The following KCNH1 variants were observed in gnomAD, a reference collection of about 807,000 sequenced individuals.
The protein encoded by KCNH1 is potassium voltage-gated channel subfamily H member 1, also known as voltage-gated delayed rectifier potassium channel KCNH1.
In KCNH1, 27 loss-of-function variants were observed where a neutral mutation model predicts 69.2. The observed-to-expected ratio is 0.39, with a 90% CI of 0.29 to 0.54. KCNH1 has a LOEUF of 0.54. KCNH1 is among the 20% of genes least tolerant of loss of function. The probability of loss-of-function intolerance (pLI) is 0.68; values close to 1 mark genes in which losing one functional copy is unlikely to be tolerated. For missense variants in KCNH1, 798 were observed against 1,261.6 expected (o/e 0.63, Z 5.57); for synonymous variants, 456 against 487.7 (o/e 0.93, Z 0.86).
chr1:210,952,415 G>A (rs1216210816), intron 6 of KCNH1, among the ~76,000 whole-genome samples: 2 of 152,156 alleles, frequency 1.3e-5, no homozygotes, highest in African/African-American at 4.8e-5. Flanking sequence ...TCCTTACTAT[G>A]TGCAGGTGCT....
intron 7 of KCNH1, among the ~76,000 whole-genome samples, chr1:210,869,612 T>C (rs1000932631): frequency 6.6e-6 from 1 of 151,870 alleles, no homozygotes; most frequent in Non-Finnish European, 1.5e-5. Context: ...TCCTCTTTAA[T>C]GGATGTTGAA....
chr1:210,946,126 A>C (rs910959589), intron 6 of KCNH1, among the ~76,000 whole-genome samples: 3 of 152,148 alleles, frequency 2.0e-5, no homozygotes, highest in African/African-American at 7.2e-5. Context: ...ATATTATCCC[A>C]CTTGGTCTTC....
intron 1 of KCNH1, among the ~76,000 whole-genome samples, chr1:211,109,962 G>A (rs1242752212): frequency 1.8e-4 from 27 of 150,394 alleles, no homozygotes; most frequent in Admixed American, 1.8e-3. Context: ...TATTCAACAT[G>A]AATTTTAGAA....
chr1:210,877,231 G>C (rs1686395756), intron 7 of KCNH1, among the ~76,000 whole-genome samples: 1 of 152,136 alleles, frequency 6.6e-6, no homozygotes, highest in African/African-American at 2.4e-5. Context: ...ATATGAGCAA[G>C]AAGAGAGAGA....
intron 1 of KCNH1, among the ~76,000 whole-genome samples, chr1:211,127,425 CA>C (rs11340722): frequency 0.43 from 54,822 of 127,476 alleles, 11,039 homozygotes; most frequent in Middle Eastern, 0.47. Context: ...ACACACACAC[CA>C]AAAAAAAAAA....
chr1:210,966,965 G>A (rs532293929), intron 6 of KCNH1, among the ~76,000 whole-genome samples: 3 of 152,234 alleles, frequency 2.0e-5, no homozygotes, highest in East Asian at 3.9e-4. Flanking sequence ...TGGAACCAAC[G>A]AAATGCCCAT....
At chr1:210,984,010 A>G (rs554286903) in intron 6 of KCNH1, among the ~76,000 whole-genome samples, 1 of 152,198 alleles carries the variant, frequency 6.6e-6, no homozygotes, top group Admixed American at 6.5e-5. Flanking sequence ...TTGGATTCCT[A>G]GGTATTTTAT....
At chr1:210,822,080 T>C (rs1684940899) in intron 7 of KCNH1, among the ~76,000 whole-genome samples, 1 of 152,002 alleles carries the variant, frequency 6.6e-6, no homozygotes, top group South Asian at 2.1e-4. Flanking sequence ...AGATGCAATG[T>C]CCAATAGGAC....
At chr1:211,076,939 T>A (rs1259110825) in intron 5 of KCNH1, among the ~76,000 whole-genome samples, 2 of 152,134 alleles carry the variant, frequency 1.3e-5, no homozygotes, top group African/African-American at 4.8e-5. Flanking sequence ...CTGAAAACCA[T>A]GGCACAAGAA....
chr1:210,929,996 T>C (rs1242173428), intron 6 of KCNH1, among the ~76,000 whole-genome samples: 1 of 151,994 alleles, frequency 6.6e-6, no homozygotes, highest in Non-Finnish European at 1.5e-5. Flanking sequence ...TCCTCTACAA[T>C]GAAAACTACA....
chr1:210,873,200 A>G (rs1686288811), intron 7 of KCNH1, among the ~76,000 whole-genome samples: 2 of 152,154 alleles, frequency 1.3e-5, no homozygotes, highest in African/African-American at 4.8e-5. Flanking sequence ...ATGGTCTTGT[A>G]TGTAACAGAA....
chr1:210,751,672 G>A (rs1455905105), intron 10 of KCNH1, among the ~76,000 whole-genome samples: 1 of 152,138 alleles, frequency 6.6e-6, no homozygotes, highest in Admixed American at 6.5e-5. Flanking sequence ...GGCTGAAAAT[G>A]TGAGGGTGGA....
At chr1:210,783,632 GGATGT>G (rs1684035195) in intron 9 of KCNH1, among the ~76,000 whole-genome samples, 1 of 152,180 alleles carries the variant, frequency 6.6e-6, no homozygotes, top group Non-Finnish European at 1.5e-5. Flanking sequence ...GCAGGAATAA[GGATGT>G]AAGCTAACTT....
intron 6 of KCNH1, among the ~76,000 whole-genome samples, chr1:210,970,275 C>T (rs1574369485): frequency 6.7e-6 from 1 of 149,944 alleles, no homozygotes; most frequent in Non-Finnish European, 1.5e-5. Context: ...TGTCCCCCAC[C>T]CCCAACAGGC....
chr1:210,843,172 T>C (rs1685459173), intron 7 of KCNH1, among the ~76,000 whole-genome samples: 1 of 152,210 alleles, frequency 6.6e-6, no homozygotes, highest in Non-Finnish European at 1.5e-5. Context: ...GGAATGATAT[T>C]GCATTGGATC....
At chr1:210,835,728 T>C (rs1173813500) in intron 7 of KCNH1, among the ~76,000 whole-genome samples, 1 of 152,180 alleles carries the variant, frequency 6.6e-6, no homozygotes, top group African/African-American at 2.4e-5. Context: ...AATTGGTTCA[T>C]TATTCCTAAT....
At chr1:210,724,062 ATAG>A (rs1277671777) in intron 10 of KCNH1, among the ~76,000 whole-genome samples, 2 of 152,196 alleles carry the variant, frequency 1.3e-5, no homozygotes, top group African/African-American at 4.8e-5. Context: ...TGTGACAATA[ATAG>A]TAGTCATCAT....
chr1:211,014,141 T>C (rs1399315685), intron 6 of KCNH1, among the ~76,000 whole-genome samples: 1 of 152,172 alleles, frequency 6.6e-6, no homozygotes, highest in Non-Finnish European at 1.5e-5. Flanking sequence ...ACCTGGGAGA[T>C]AACAGCTCCC....
chr1:211,109,827 A>C (rs1691425104), intron 1 of KCNH1, among the ~76,000 whole-genome samples: 1 of 152,122 alleles, frequency 6.6e-6, no homozygotes, highest in Admixed American at 6.5e-5. Flanking sequence ...TTAAAAAAAA[A>C]ATCTAATTGG....
Sources: gnomAD v4.1 joint callset for allele counts (sites outside exome capture counted in the v4.1 genomes callset) on GRCh38, gnomAD v4.1.1 for gene constraint, MANE v1.5 for transcripts, NCBI Gene and HGNC (gene_info 2026-07-23, HGNC 2026-07-21) for gene names.